The following TENT5D variants were observed in gnomAD, a reference collection of about 807,000 sequenced individuals.
The protein encoded by TENT5D is cancer/testis antigen 112.
For synonymous variants in TENT5D, 103 were observed against 100.6 expected (o/e 1.02, Z -0.15); for missense variants, 191 against 287.0 (o/e 0.67, Z 2.42).
chrX:80,391,809 T>C (rs1222125654), intron 3 of TENT5D, among the ~76,000 whole-genome samples: 1 of 112,799 alleles, frequency 8.9e-6, no homozygotes, highest in Non-Finnish European at 1.9e-5. Context: ...CAGTGTTCAT[T>C]ATATTTGTAT....
intron 3 of TENT5D, among the ~76,000 whole-genome samples, chrX:80,350,873 T>C (rs1164190809): frequency 8.9e-6 from 1 of 111,741 alleles, no homozygotes; most frequent in East Asian, 2.8e-4. Flanking sequence ...GTATTTGCTG[T>C]CTGCAAAGGA....
Position 80,431,833 on chromosome X carries a change from A to G in TENT5D, c.-141-6777A>G, listed in dbSNP as rs185564070. ...CACACCATATCAACTTTTTCATAGA[A>G]AAGTATTTTAGTTCTGCTGGGAAGT... On this transcript the variant is annotated intron_variant, in intron 1 of 2. Transcript: ENST00000308293. Among the ~76,000 whole-genome samples the G allele has an allele frequency of 6.3e-5, 7 of 111,666 alleles. No individual in the cohort carries two copies. The East Asian group carries it at 2.0e-3, about 32-fold the overall frequency.
chrX:80,442,900 C>A (rs1459491585), exon 3 of TENT5D: 25 of 1,209,214 alleles, frequency 2.1e-5, no homozygotes, highest in Non-Finnish European at 2.6e-5. Flanking sequence ...GAAGGAAAAG[C>A]TCTCCCCAGA....
chrX:80,358,104 T>C lies in TENT5D; in HGVS notation c.-142+15540T>C, dbSNP rs773916951. 3.6e-5 allele frequency among the ~76,000 whole-genome samples: 4 copies of C among 111,158 alleles called. No homozygotes were observed. The East Asian group carries it at 1.1e-3, about 32-fold the overall frequency. ...TAATAAATGGTGCTGGGAAAACTGG[T>C]TAGCCATATGTAGAAAGCTGAAACT... On this transcript the variant is annotated intron_variant, in intron 3 of 4. Transcript: ENST00000538312.
In TENT5D at chrX:80,442,704, A is replaced by C. The variant is rs748295530; in HGVS notation, c.165A>C (p.Gly55=). 3 of 1,211,175 alleles carry C rather than the reference A, an allele frequency of 2.5e-6. No individual in the cohort carries two copies. In the Admixed American group the frequency reaches 6.5e-5, roughly 26 times the overall value. Reference sequence around the variant, plus strand: ...TGAAAGATCAACTCATAGGGCAAGGAATTATTGTTAAAGATGCCAGATTGA... The same window carrying C: ...TGAAAGATCAACTCATAGGGCAAGGCATTATTGTTAAAGATGCCAGATTGA... The change falls in exon 3 of 3, where the codon GGA becomes GGC. Residue 55 remains glycine (G), a synonymous_variant. Coordinates refer to ENST00000308293, the Ensembl canonical transcript of TENT5D.
Position 80,355,882 on chromosome X carries a change from C to T in TENT5D, c.-142+13318C>T, listed in dbSNP as rs1236292334. 5.4e-5 allele frequency among the ~76,000 whole-genome samples: 6 copies of T among 111,344 alleles called. No homozygotes were observed. In the Admixed American group the frequency reaches 5.7e-4, roughly 11 times the overall value. Reference sequence around the variant, plus strand: ...GCTCTTCCCAGCTGGTCTAGTTGACCTTCTTGGCTCTTGTTTATTTACCAA... The same window carrying T: ...GCTCTTCCCAGCTGGTCTAGTTGACTTTCTTGGCTCTTGTTTATTTACCAA... On this transcript the variant is annotated intron_variant, in intron 3 of 4. Transcript: ENST00000538312.
chrX:80,350,411 T>A (rs1296026942), intron 3 of TENT5D, among the ~76,000 whole-genome samples: 2 of 111,584 alleles, frequency 1.8e-5, no homozygotes, highest in Admixed American at 9.6e-5. Flanking sequence ...ATGCCCTTCT[T>A]TGTCTTTTTT....
chrX:80,376,540 T>TA (rs1479507575), intron 3 of TENT5D, among the ~76,000 whole-genome samples: 3 of 111,759 alleles, frequency 2.7e-5, no homozygotes, highest in Non-Finnish European at 5.7e-5. Context: ...ATATGTGTTT[T>TA]AAAAAACTAT....
In TENT5D at chrX:80,435,425, C is replaced by T. The variant is rs966012; in HGVS notation, c.-141-3185C>T. On this transcript the variant is annotated intron_variant, in intron 1 of 2. Coordinates refer to ENST00000308293, the Ensembl canonical transcript of TENT5D. ...TAAAAACACTGGAAACATGTAAAAC[C>T]GTTTTCATTTAAATTGTTACACTTT... 5.4e-5 allele frequency among the ~76,000 whole-genome samples: 6 copies of T among 110,752 alleles called. No individual in the cohort carries two copies. The Admixed American group carries it at 5.8e-4, about 11-fold the overall frequency.
intron 2 of TENT5D, among the ~76,000 whole-genome samples, chrX:80,439,326 A>T (rs1425132298): frequency 9.0e-6 from 1 of 111,484 alleles, no homozygotes. Flanking sequence ...AGACAGTATT[A>T]TAAGCAATAT....
intron 3 of TENT5D, among the ~76,000 whole-genome samples, chrX:80,388,324 C>T (rs1365842957): frequency 9.0e-6 from 1 of 111,400 alleles, no homozygotes; most frequent in Non-Finnish European, 1.9e-5. Context: ...GGATAGACAC[C>T]ACAGCTAGGA....
rs147192729 is a variant in TENT5D, at chrX:80,443,988, C to A, written c.*279C>A. On this transcript the variant is annotated 3_prime_UTR_variant, in exon 3 of 3. Transcript: ENST00000308293. ...GTTCCCCTTGAAGTGATTTTCAAATCTTTTGACTACTTGTGACTTTCAAAT... is the reference window on the plus strand; with the variant it reads ...GTTCCCCTTGAAGTGATTTTCAAATATTTTGACTACTTGTGACTTTCAAAT... The A allele has an allele frequency of 3.0e-3, 747 of 246,435 alleles. 9 individuals carry two copies. The highest frequency in any genetic ancestry group is 0.019 in the African/African-American group (678 of 35,370). The allele number at this position is 246,435 out of a possible 1,213,427, so 20.3% of individuals were successfully genotyped here. A position where few individuals can be genotyped will look rare whatever the true frequency, so the allele number is the denominator to read the frequency against.
At chrX:80,410,842 C>G (rs867021261) in intron 3 of TENT5D, among the ~76,000 whole-genome samples, 2 of 107,116 alleles carry the variant, frequency 1.9e-5, no homozygotes, top group African/African-American at 6.9e-5. Flanking sequence ...TTGGAACCAA[C>G]CCAAATGTCC....
chrX:80,394,516 C>T (rs979092687), intron 3 of TENT5D, among the ~76,000 whole-genome samples: 2 of 105,733 alleles, frequency 1.9e-5, no homozygotes, highest in South Asian at 8.7e-4. Context: ...CTCAGCCTCC[C>T]GAGTAGCTGG....
intron 3 of TENT5D, among the ~76,000 whole-genome samples, chrX:80,349,364 A>T (rs1257492846): frequency 9.0e-6 from 1 of 111,276 alleles, no homozygotes; most frequent in Non-Finnish European, 1.9e-5. Flanking sequence ...CAGGGATTCG[A>T]CTTCTTCCTG....
At chrX:80,360,119 A>G (rs574017369) in intron 3 of TENT5D, among the ~76,000 whole-genome samples, 5 of 111,969 alleles carry the variant, frequency 4.5e-5, no homozygotes, top group South Asian at 3.7e-4. Flanking sequence ...TTCCTGTACT[A>G]CCTAATTACA....
intron 3 of TENT5D, among the ~76,000 whole-genome samples, chrX:80,356,276 T>C (rs748496223): frequency 8.9e-6 from 1 of 111,883 alleles, no homozygotes; most frequent in Non-Finnish European, 1.9e-5. Context: ...TCTTTCTCCT[T>C]AAGTGAATAT....
At chrX:80,356,704 T>C (rs955595789) in intron 3 of TENT5D, among the ~76,000 whole-genome samples, 1 of 111,928 alleles carries the variant, frequency 8.9e-6, no homozygotes, top group Non-Finnish European at 1.9e-5. Flanking sequence ...GTTTTATTAA[T>C]ATTTTTAATT....
intron 2 of TENT5D, among the ~76,000 whole-genome samples, chrX:80,441,088 G>A (rs1932274346): frequency 9.0e-6 from 1 of 111,117 alleles, no homozygotes; most frequent in African/African-American, 3.3e-5. Flanking sequence ...TAATCAGTTT[G>A]GTCCATCCAT....
Sources: allele counts gnomAD v4.1 joint callset (sites outside exome capture counted in the v4.1 genomes callset), GRCh38; gene constraint gnomAD v4.1.1; transcripts MANE v1.5; gene names NCBI Gene and HGNC (gene_info 2026-07-23, HGNC 2026-07-21).